ACOT7: variants seen among roughly 807,000 people sequenced by gnomAD.
ACOT7 encodes cytosolic acyl coenzyme A thioester hydrolase.
In ACOT7, 12 loss-of-function variants were observed where a neutral mutation model predicts 40.2. The ratio of observed to expected loss-of-function variants is 0.30; its 90% confidence interval spans 0.19 to 0.48. The LOEUF (loss-of-function observed/expected upper bound fraction) is 0.48. Ranked by LOEUF, ACOT7 falls within the 20% of genes least tolerant of loss-of-function variation. The pLI is 0.99. For synonymous variants in ACOT7, 228 were observed against 219.5 expected (o/e 1.04, Z -0.34); for missense variants, 395 against 530.8 (o/e 0.74, Z 2.51).
intron 4 of ACOT7, among the ~76,000 whole-genome samples, chr1:6,329,118 C>T (rs973668660): frequency 4.6e-5 from 7 of 152,274 alleles, no homozygotes; most frequent in South Asian, 2.1e-4. Context: ...TCACTTCAGA[C>T]GGCTGTGTTA....
intron 5 of ACOT7, among the ~76,000 whole-genome samples, chr1:6,323,453 C>T (rs1640702572): frequency 6.6e-6 from 1 of 152,112 alleles, no homozygotes. Context: ...TATGGTGGCT[C>T]ACGCCTGTAA....
intron 3 of ACOT7, among the ~76,000 whole-genome samples, chr1:6,336,882 G>C (rs1177154192): frequency 2.6e-5 from 4 of 152,224 alleles, no homozygotes; most frequent in Non-Finnish European, 4.4e-5. Context: ...AGATGAGCGA[G>C]ACAGAGGGGG....
intron 6 of ACOT7, among the ~76,000 whole-genome samples, chr1:6,315,753 TAAAAAAAAAA>T (rs61115908): frequency 4.8e-5 from 4 of 83,600 alleles, no homozygotes; most frequent in East Asian, 3.0e-4. Flanking sequence ...AGACTCTGTC[TAAAAAAAAAA>T]AAAAAAAAAA....
chr1:6,280,353 G>A (rs1402798064), intron 8 of ACOT7, among the ~76,000 whole-genome samples: 1 of 152,240 alleles, frequency 6.6e-6, no homozygotes, highest in Non-Finnish European at 1.5e-5. Flanking sequence ...CTGTTCTTAT[G>A]ACAGAGACAG....
At chr1:6,342,115 G>C (rs1442750704) in intron 2 of ACOT7, among the ~76,000 whole-genome samples, 2 of 152,350 alleles carry the variant, frequency 1.3e-5, no homozygotes, top group African/African-American at 2.4e-5. Context: ...CTGGAGGGGG[G>C]AAGTCTCCAG....
At chr1:6,317,495 G>A (rs1160562228) in intron 6 of ACOT7, among the ~76,000 whole-genome samples, 3 of 152,066 alleles carry the variant, frequency 2.0e-5, no homozygotes, top group East Asian at 1.9e-4. Context: ...GTACTTACTG[G>A]GAAAAAATAA....
intron 6 of ACOT7, among the ~76,000 whole-genome samples, chr1:6,298,487 C>G (rs2148399334): frequency 6.6e-6 from 1 of 152,292 alleles, no homozygotes; most frequent in South Asian, 2.1e-4. Context: ...AACGGAGGCC[C>G]TAAGTCACAT....
intron 2 of ACOT7, among the ~76,000 whole-genome samples, chr1:6,340,457 T>C (rs922497074): frequency 4.6e-5 from 7 of 152,158 alleles, no homozygotes; most frequent in African/African-American, 1.7e-4. Context: ...TACATACCCA[T>C]TATGGAAAAT....
chr1:6,351,103 C>T (rs1022425805), intron 1 of ACOT7, among the ~76,000 whole-genome samples: 2 of 152,234 alleles, frequency 1.3e-5, no homozygotes, highest in African/African-American at 4.8e-5. Flanking sequence ...AACCCACCAT[C>T]TGGCCACAGG....
intron 4 of ACOT7, among the ~76,000 whole-genome samples, chr1:6,331,781 GGA>G (rs1289678411): frequency 6.6e-6 from 1 of 152,158 alleles, no homozygotes; most frequent in African/African-American, 2.4e-5. Context: ...AACAGCAGCT[GGA>G]CCCGGCAGCC....
chr1:6,390,224 G>A (rs1015814531), intron 1 of ACOT7, among the ~76,000 whole-genome samples: 1 of 152,190 alleles, frequency 6.6e-6, no homozygotes, highest in Non-Finnish European at 1.5e-5. Context: ...CATGAGCAGG[G>A]GCAGCCAAGC....
In ACOT7 at chr1:6,282,033, T is replaced by C. The variant is rs1385751605; in HGVS notation, c.830-747A>G. Among the ~76,000 whole-genome samples the C allele has an allele frequency of 6.6e-6, 1 of 151,496 alleles. No individual in the cohort carries two copies. Among genetic ancestry groups the C allele is most frequent in the Admixed American group, 6.6e-5 (1 of 15,244 alleles). ...TCATGACAAAGTCCAAAGTCACCAG[T>C]TCCCATACATTGTTCCCATGTCCCT... On this transcript the variant is annotated intron_variant, in intron 7 of 8. Coordinates refer to ENST00000361521, the MANE Select transcript of ACOT7 (RefSeq NM_007274.4). This position sits in a 1 kb window ranked among gnomAD's most constrained non-coding sequence, Gnocchi z 4.5.
At chr1:6,356,654 C>T in intron 1 of ACOT7, among the ~76,000 whole-genome samples, 1 of 152,184 alleles carries the variant, frequency 6.6e-6, no homozygotes, top group East Asian at 1.9e-4. Context: ...CGCAGTGGCT[C>T]ACACCTGTAA....
intron 2 of ACOT7, among the ~76,000 whole-genome samples, chr1:6,340,107 A>G (rs1641231165): frequency 1.3e-5 from 2 of 151,998 alleles, no homozygotes; most frequent in Admixed American, 1.3e-4. Flanking sequence ...CTGGGACTAC[A>G]GGCGCCCGCC....
At chr1:6,276,237 G>A (rs1444095317) in intron 8 of ACOT7, among the ~76,000 whole-genome samples, 4 of 152,078 alleles carry the variant, frequency 2.6e-5, no homozygotes, top group African/African-American at 9.6e-5. Flanking sequence ...GACGTCCTCC[G>A]CTTCAGCAGA....
intron 1 of ACOT7, among the ~76,000 whole-genome samples, chr1:6,380,282 C>T (rs1460445807): frequency 2.0e-5 from 3 of 151,300 alleles, no homozygotes; most frequent in African/African-American, 7.3e-5. Context: ...TATATATGGT[C>T]AAATGATCTA....
At chr1:6,370,847 A>C (rs529120701) in intron 1 of ACOT7, among the ~76,000 whole-genome samples, 1 of 135,770 alleles carries the variant, frequency 7.4e-6, no homozygotes, top group African/African-American at 2.8e-5. Context: ...GTCTCACTCT[A>C]TTGCCCAGGC....
intron 6 of ACOT7, among the ~76,000 whole-genome samples, chr1:6,315,086 C>G (rs999735018): frequency 2.0e-5 from 3 of 152,220 alleles, no homozygotes; most frequent in African/African-American, 7.2e-5. Flanking sequence ...TGCGTTCTCC[C>G]TGTGATTCCA....
intron 8 of ACOT7, among the ~76,000 whole-genome samples, chr1:6,267,680 C>T (rs1638892625): frequency 6.6e-6 from 1 of 152,240 alleles, no homozygotes; most frequent in African/African-American, 2.4e-5. Flanking sequence ...CTGAGCTGGC[C>T]AGGGATCCCT....
Sources: allele counts gnomAD v4.1 joint callset (sites outside exome capture counted in the v4.1 genomes callset), GRCh38; gene constraint gnomAD v4.1.1; non-coding constraint Gnocchi (gnomAD v3.1); transcripts MANE v1.5; gene names NCBI Gene and HGNC (gene_info 2026-07-23, HGNC 2026-07-21).